IDI2: variants seen among roughly 807,000 people sequenced by gnomAD.
IDI2 encodes isopentenyl-diphosphate delta isomerase 2.
IDI2 carries 18 observed loss-of-function variants against 14.8 expected under a neutral mutation model. The observed-to-expected ratio is 1.22, with a 90% CI of 0.84 to 1.80. IDI2 has a LOEUF of 1.80. Among genes scored for constraint, IDI2 ranks in the 40% most tolerant of loss-of-function variants. The pLI, the probability that IDI2 is intolerant of heterozygous loss-of-function variation, is 0.00. For synonymous variants in IDI2, 133 were observed against 109.6 expected, an observed-to-expected ratio of 1.21 and a Z score of -1.33; for missense variants, 316 against 283.2, an observed-to-expected ratio of 1.12 and a Z score of -0.83.
rs1167849191 is a variant in IDI2, at chr10:1,023,475, C to CA, written c.143-701dup. 9.7e-3 allele frequency among the ~76,000 whole-genome samples: 734 copies of CA among 76,054 alleles called. 1 individual carries two copies. The highest frequency in any genetic ancestry group is 0.024 in the African/African-American group (516 of 21,500). The allele number at this position is 76,054 out of a possible 152,430, so 49.9% of individuals were successfully genotyped here. ...TGGGCAATGGAGCAAGACTCTGTCT[C>CA]AAAAAAAAAAAAAAAAAGAAGAATG... On this transcript the variant is annotated intron_variant, in intron 2 of 4. Coordinates refer to ENST00000277517, the MANE Select transcript of IDI2 (RefSeq NM_033261.3).
rs2127607 is a variant in IDI2 at position 1,019,192 on chromosome 10, C to G, written c.*325G>C. ...GCCTCATGGTCCAGCCAGGCTAGTC[C>G]GCCTGCTTCAGGACTCTCAAGATCT... On this transcript the variant is annotated 3_prime_UTR_variant, in exon 5 of 5. Transcript: ENST00000277517. 4 of 236,218 alleles carry G rather than the reference C, an allele frequency of 1.7e-5. No homozygotes were observed. The highest frequency in any genetic ancestry group is 3.3e-5 in the Non-Finnish European group (4 of 120,492). 14.6% of individuals were successfully genotyped at this position (236,218 alleles called of 1,614,324 possible).
At chr10:1,022,082 A>G (rs990575896) in intron 3 of IDI2, among the ~76,000 whole-genome samples, 3 of 152,058 alleles carry the variant, frequency 2.0e-5, no homozygotes, top group Non-Finnish European at 4.4e-5. Context: ...ACACGGTGAA[A>G]CCCCGTCTCT....
At chr10:1,025,046 ACACAC>A (rs1832190795) in intron 1 of IDI2, among the ~76,000 whole-genome samples, 1 of 119,252 alleles carries the variant, frequency 8.4e-6, no homozygotes. Context: ...ACACACACAC[ACACAC>A]AAAACACACC....
intron 1 of IDI2, among the ~76,000 whole-genome samples, chr10:1,025,179 G>T (rs182672220): frequency 6.6e-6 from 1 of 152,244 alleles, no homozygotes; most frequent in African/African-American, 2.4e-5. Context: ...GGAAAGCTAC[G>T]TCACCCACAG....
chr10:1,022,610 C>A, intron 3 of IDI2, 73 bp downstream of exon 3: 1 of 1,162,340 alleles, frequency 8.6e-7, no homozygotes, highest in South Asian at 1.2e-5. Context: ...CCAGAGAGTT[C>A]CTGTCCCAGA....
Position 1,025,010 on chromosome 10 carries a change from C to CCA in IDI2, c.-21-268_-21-267dup, listed in dbSNP as rs72086728. ...GACGAGTTAAAGAATCCCCGCCCCA[C>CCA]CACACACACACACACACACACACAC... is the stretch of plus-strand genomic sequence containing the variant. On this transcript the variant is annotated intron_variant, in intron 1 of 4. Coordinates refer to ENST00000277517, the MANE Select transcript of IDI2 (RefSeq NM_033261.3). Among the ~76,000 whole-genome samples the CCA allele has an allele frequency of 1.4e-3, 206 of 145,134 alleles. 2 individuals are homozygous for CCA. Among genetic ancestry groups the CCA allele is most frequent in the African/African-American group, 2.6e-3 (101 of 39,492 alleles).
Position 1,021,015 on chromosome 10 carries a change from G to A in IDI2, c.236-118C>T, listed in dbSNP as rs375007536. ...CGTCATCAGCAGAAGACAGCCTGGC[G>A]GGGGGAGTGGGTTTGTCATGGGCTC... On this transcript the variant is annotated intron_variant, in intron 3 of 4. Transcript: ENST00000277517. 1.5e-5 allele frequency: 17 copies of A among 1,137,598 alleles called. No individual in the cohort carries two copies. The East Asian group carries it at 1.6e-4, about 11-fold the overall frequency. 70.5% of individuals were successfully genotyped at this position (1,137,598 alleles called of 1,614,324 possible).
chr10:1,025,544 A>G (rs77285174), intron 1 of IDI2, among the ~76,000 whole-genome samples: 2 of 149,544 alleles, frequency 1.3e-5, no homozygotes, highest in East Asian at 1.9e-4. Context: ...TCTGTCTCAA[A>G]AAAAAAAAAA....
chr10:1,022,894 G>A, intron 2 of IDI2, 119 bp from the exon 3 acceptor site: 2 of 704,424 alleles, frequency 2.8e-6, no homozygotes, highest in Non-Finnish European at 5.0e-6. Flanking sequence ...CACCTGGGCA[G>A]GGCAAAGGGG....
At chr10:1,025,658 A>T (rs17155819) in intron 1 of IDI2, among the ~76,000 whole-genome samples, 158 bp downstream of exon 1, 2,439 of 152,288 alleles carry the variant, frequency 0.016, 59 homozygotes, top group African/African-American at 0.053. Flanking sequence ...ATTACTGTTA[A>T]TATTTTCAGC....
intron 1 of IDI2, among the ~76,000 whole-genome samples, chr10:1,025,090 A>G (rs1042316844): frequency 1.3e-4 from 20 of 151,584 alleles, no homozygotes; most frequent in African/African-American, 4.4e-4. Flanking sequence ...CACTCTTTGT[A>G]CAAGTTTTTG....
intron 1 of IDI2, 83 bp from the exon 2 acceptor site, chr10:1,024,827 AT>A: frequency 7.6e-7 from 1 of 1,319,974 alleles, no homozygotes; most frequent in Non-Finnish European, 1.1e-6. Context: ...CCACATTAGG[AT>A]TTAGCATACA....
chr10:1,022,804 T>A, intron 2 of IDI2, 29 bp from the exon 3 acceptor site: 2 of 1,501,562 alleles, frequency 1.3e-6, no homozygotes, highest in Non-Finnish European at 1.9e-6. Context: ...TTTGTGTGAG[T>A]GCATGCCTGG....
At chr10:1,019,936 A>C (rs1406720816) in intron 4 of IDI2, 102 bp from the exon 5 acceptor site, 1 of 933,370 alleles carries the variant, frequency 1.1e-6, no homozygotes, top group African/African-American at 1.7e-5. Context: ...CAGAAAATGA[A>C]CACTTTCTTT....
intron 2 of IDI2, 82 bp from the exon 3 acceptor site, chr10:1,022,857 T>C (rs1479653216): frequency 1.8e-6 from 2 of 1,116,790 alleles, no homozygotes; most frequent in African/African-American, 1.5e-5. Flanking sequence ...CTCAGTCTGT[T>C]TCTCGTAGAA....
In IDI2 at chr10:1,019,096, T is replaced by C. The variant is rs1832042623; in HGVS notation, c.*421A>G. 4 of 162,902 alleles carry C rather than the reference T, an allele frequency of 2.5e-5. No homozygotes were observed. The highest frequency in any genetic ancestry group is 2.3e-4 in the Admixed American group (4 of 17,056). The allele number at this position is 162,902 out of a possible 1,614,324, so 10.1% of individuals were successfully genotyped here. A position where few individuals can be genotyped will look rare whatever the true frequency, so the allele number is the denominator to read the frequency against. On this transcript the variant is annotated 3_prime_UTR_variant, in exon 5 of 5. Transcript: ENST00000277517. ...TTGTGTTGCACTCTGAAATAAGTGATTTAAAAAGAAAAACATGATACAGAG... is the reference window on the plus strand; with the variant it reads ...TTGTGTTGCACTCTGAAATAAGTGACTTAAAAAGAAAAACATGATACAGAG...
chr10:1,019,868 C>A, intron 4 of IDI2, 34 bp from the exon 5 acceptor site: 1 of 1,435,888 alleles, frequency 7.0e-7, no homozygotes, highest in Non-Finnish European at 9.8e-7. Context: ...GTTAACAACG[C>A]TAATGTAAAA....
chr10:1,021,598 C>T (rs558112888), intron 3 of IDI2, among the ~76,000 whole-genome samples: 5 of 152,296 alleles, frequency 3.3e-5, no homozygotes, highest in South Asian at 2.1e-4. Flanking sequence ...ATCCTGGAGG[C>T]GGCTAACACA....
intron 4 of IDI2, 80 bp downstream of exon 4, chr10:1,020,687 C>T: frequency 4.9e-6 from 6 of 1,216,174 alleles, no homozygotes; most frequent in South Asian, 2.7e-5. Context: ...GGTGTAGATC[C>T]AGCCTGGACT....
Sources: gnomAD v4.1 joint callset for allele counts (sites outside exome capture counted in the v4.1 genomes callset) on GRCh38, gnomAD v4.1.1 for gene constraint, MANE v1.5 for transcripts, NCBI Gene and HGNC (gene_info 2026-07-23, HGNC 2026-07-21) for gene names.